The following PCDHGA3 variants were observed in gnomAD, a reference collection of about 807,000 sequenced individuals.
PCDHGA3 encodes the protein protocadherin gamma-A3.
PCDHGA3 carries 40 observed loss-of-function variants against 58.5 expected under a neutral mutation model. The observed-to-expected ratio is 0.68, with a 90% CI of 0.53 to 0.89. PCDHGA3 has a LOEUF of 0.89. Ranked by LOEUF, PCDHGA3 falls within the 40% of genes least tolerant of loss-of-function variation. PCDHGA3 has a pLI of 0.00. For synonymous variants in PCDHGA3, 530 were observed against 525.7 expected (o/e 1.01, Z -0.11); for missense variants, 1,223 against 1,195.9 (o/e 1.02, Z -0.33).
chr5:141,447,538 T>C (rs954291961), intron 1 of PCDHGA3, among the ~76,000 whole-genome samples: 4 of 152,204 alleles, frequency 2.6e-5, no homozygotes, highest in Admixed American at 2.6e-4. Context: ...TTGTTGGGTT[T>C]TAATGTTATG....
chr5:141,396,042 A>G (rs2093337325), intron 1 of PCDHGA3: 2 of 152,260 alleles, frequency 1.3e-5, no homozygotes, highest in Non-Finnish European at 2.9e-5. Context: ...ACATATTTCA[A>G]TACAATTCCA....
At chr5:141,423,744 A>G in intron 1 of PCDHGA3, 1 of 429,464 alleles carries the variant, frequency 2.3e-6, no homozygotes. Context: ...TGTTATGAAA[A>G]CTGTTTGGGG....
At chr5:141,362,492 C>G (rs369530205) in intron 1 of PCDHGA3, 1 of 1,613,902 alleles carries the variant, frequency 6.2e-7, no homozygotes, top group African/African-American at 1.3e-5. Flanking sequence ...GACAATGCCT[C>G]TTGGGAACAA....
At chr5:141,467,393 T>C (rs1409255781) in intron 1 of PCDHGA3, among the ~76,000 whole-genome samples, 3 of 152,124 alleles carry the variant, frequency 2.0e-5, no homozygotes, top group African/African-American at 7.2e-5. Flanking sequence ...TTTTAAGTCA[T>C]AGTTAGAAAG....
chr5:141,361,059 T>A, intron 1 of PCDHGA3: 1 of 1,613,844 alleles, frequency 6.2e-7, no homozygotes, highest in Non-Finnish European at 8.5e-7. Flanking sequence ...ATGATTTGGA[T>A]TTTGAGATTG....
intron 1 of PCDHGA3, chr5:141,384,753 G>C (rs114533608): frequency 0.027 from 43,359 of 1,614,006 alleles, 841 homozygotes; most frequent in African/African-American, 0.094. Context: ...GACTCTTTGC[G>C]GTTGGGCTGT....
At chr5:141,482,611 G>A (rs1016481108) in intron 1 of PCDHGA3, among the ~76,000 whole-genome samples, 3 of 150,398 alleles carry the variant, frequency 2.0e-5, no homozygotes, top group African/African-American at 7.4e-5. Context: ...ACACCTAAAT[G>A]AGCCTGGAGA....
intron 1 of PCDHGA3, chr5:141,374,359 C>T (rs1179448303): frequency 6.2e-7 from 1 of 1,614,000 alleles, no homozygotes; most frequent in Admixed American, 1.7e-5. Context: ...GGATAGACCG[C>T]GAGGAGCTCT....
intron 1 of PCDHGA3, chr5:141,478,910 A>C (rs568573298): frequency 1.1e-6 from 1 of 893,688 alleles, no homozygotes; most frequent in Non-Finnish European, 1.6e-6. Context: ...AAGCTGCTGG[A>C]TACCTCTAAC....
In PCDHGA3 at chr5:141,485,985, T is replaced by C. The variant is rs748867624; in HGVS notation, c.2425-8822T>C. 5.6e-6 allele frequency: 9 copies of C among 1,614,086 alleles called. No homozygotes were observed. Among genetic ancestry groups the C allele is most frequent in the South Asian group, 5.5e-5 (5 of 91,094 alleles). On this transcript the variant is annotated intron_variant, in intron 1 of 3. Coordinates refer to ENST00000253812, the MANE Select transcript of PCDHGA3 (RefSeq NM_018916.4). The surrounding 1 kb of genome is among the most constrained non-coding windows in gnomAD (Gnocchi z 5.7). ...CAGCTCAATGCCTCAGACCCGGACC[T>C]GGGTCCCAGTGGTAACGTCACCTTT...
At chr5:141,384,768 G>A (rs1046016115) in intron 1 of PCDHGA3, 20 of 1,613,804 alleles carry the variant, frequency 1.2e-5, no homozygotes, top group Non-Finnish European at 1.6e-5. Context: ...GGCTGTACAC[G>A]GGCGAGGTGC....
intron 1 of PCDHGA3, among the ~76,000 whole-genome samples, chr5:141,454,731 G>T (rs1249851832): frequency 6.7e-6 from 1 of 150,262 alleles, no homozygotes; most frequent in Non-Finnish European, 1.5e-5. Context: ...ATATGTTATA[G>T]GATGAAAAGA....
Position 141,487,070 on chromosome 5 carries a change from C to A in PCDHGA3, c.2425-7737C>A, listed in dbSNP as rs1365482479. The A allele has an allele frequency of 6.2e-7, 1 of 1,614,036 alleles. No individual in the cohort carries two copies. The highest frequency in any genetic ancestry group is 8.5e-7 in the Non-Finnish European group (1 of 1,180,016). ...TGCTGGGGAGGTGCGGACGGCTGTT[C>A]CTATCCCAGCTGACCTCCCACCACA... is the stretch of plus-strand genomic sequence containing the variant. On this transcript the variant is annotated intron_variant, in intron 1 of 3. Coordinates refer to ENST00000253812, the MANE Select transcript of PCDHGA3 (RefSeq NM_018916.4). The surrounding 1 kb of genome is among the most constrained non-coding windows in gnomAD (Gnocchi z 5.0).
chr5:141,485,786 C>A lies in PCDHGA3; in HGVS notation c.2425-9021C>A. On this transcript the variant is annotated intron_variant, in intron 1 of 3. Transcript: ENST00000253812. This position sits in a 1 kb window ranked among gnomAD's most constrained non-coding sequence, Gnocchi z 5.7. ...GGAGAAGCCTTTGGATCGAGAGAAG[C>A]AATCGGACTACCGCCTGGTGCTGAC... 1 of 1,614,208 alleles carries A rather than the reference C, an allele frequency of 6.2e-7. No individual in the cohort carries two copies. The highest frequency in any genetic ancestry group is 1.3e-5 in the African/African-American group (1 of 75,062).
chr5:141,388,886 A>G (rs542218864), intron 1 of PCDHGA3: 1 of 1,613,988 alleles, frequency 6.2e-7, no homozygotes, highest in Non-Finnish European at 8.5e-7. Flanking sequence ...TGGAGGTAGA[A>G]GTCATAGATG....
intron 1 of PCDHGA3, chr5:141,400,525 G>C: frequency 2.5e-6 from 4 of 1,613,908 alleles, no homozygotes; most frequent in Non-Finnish European, 2.5e-6. Flanking sequence ...TCCTGAGTTG[G>C]TGAGTTTCAT....
Position 141,494,830 on chromosome 5 carries a change from G to C in PCDHGA3, c.2448G>C (p.Trp816Cys), listed in dbSNP as rs2099757104. Residue 816 changes from tryptophan (W) to cysteine (C), a missense_variant, in exon 2 of 4, where the codon TGG (tryptophan) becomes TGC (cysteine). Coordinates refer to ENST00000253812, the MANE Select transcript of PCDHGA3 (RefSeq NM_018916.4). ...AGCAAGCCCCGCCCAACACGGACTG[G>C]CGTTTCTCTCAGGCCCAGAGACCCG... The part of the protein sequence containing the change: ...LLQQAPPNTD[W>C]RFSQAQRPGT... 6.2e-7 allele frequency: 1 copy of C among 1,614,098 alleles called. No homozygotes were observed. The highest frequency in any genetic ancestry group is 2.2e-5 in the East Asian group (1 of 44,862).
chr5:141,372,008 C>T, intron 1 of PCDHGA3: 3 of 1,613,290 alleles, frequency 1.9e-6, no homozygotes, highest in African/African-American at 1.3e-5. Flanking sequence ...GCGACCAGGG[C>T]TCGCCTACGC....
intron 1 of PCDHGA3, chr5:141,360,076 T>G (rs890042967): frequency 6.8e-7 from 1 of 1,480,000 alleles, no homozygotes; most frequent in African/African-American, 1.4e-5. Context: ...TTAGCCCGGA[T>G]TCTGCCATCC....
Sources: allele counts gnomAD v4.1 joint callset (sites outside exome capture counted in the v4.1 genomes callset), GRCh38; gene constraint gnomAD v4.1.1; non-coding constraint Gnocchi (gnomAD v3.1); transcripts MANE v1.5; gene names NCBI Gene and HGNC (gene_info 2026-07-23, HGNC 2026-07-21).